The following TRHDE variants were observed in gnomAD, a reference collection of about 807,000 sequenced individuals.
TRHDE encodes thyrotropin releasing hormone degrading enzyme.
TRHDE carries 72 observed loss-of-function variants against 125.7 expected under a neutral mutation model. The ratio of observed to expected loss-of-function variants is 0.57; its 90% CI spans 0.47 to 0.70. TRHDE has a LOEUF of 0.70. Among genes scored for constraint, TRHDE ranks in the 30% least tolerant of loss-of-function variants. TRHDE has a pLI of 0.00. For missense variants in TRHDE, 1,110 were observed against 1,327.1 expected (o/e 0.84, Z 2.54); for synonymous variants, 509 against 509.1 (o/e 1.00, Z 0.00).
chr12:72,378,200 C>A, intron 3 of TRHDE, 79 bp downstream of exon 3: 2 of 1,285,560 alleles, frequency 1.6e-6, no homozygotes, highest in Non-Finnish European at 2.1e-6. Context: ...TTTGAGCCAT[C>A]CAGAAGCATG....
intron 2 of TRHDE, among the ~76,000 whole-genome samples, chr12:72,252,504 C>T (rs1878707447): frequency 6.6e-6 from 1 of 152,058 alleles, no homozygotes; most frequent in Non-Finnish European, 1.5e-5. Context: ...TGATCTGAGT[C>T]CATGCCTTGG....
At chr12:72,618,827 A>G in intron 12 of TRHDE, 64 bp from the exon 13 acceptor site, 1 of 1,354,756 alleles carries the variant, frequency 7.4e-7, no homozygotes, top group Non-Finnish European at 9.7e-7. Context: ...TCCGTCTTTT[A>G]TTTGCGTAAG....
chr12:72,454,946 C>T (rs1243700479), intron 3 of TRHDE, among the ~76,000 whole-genome samples: 2 of 151,892 alleles, frequency 1.3e-5, no homozygotes, highest in African/African-American at 2.4e-5. Context: ...TATTTGCTTC[C>T]ATCCTAACTT....
At chr12:72,274,973 G>A (rs1181695283) in intron 1 of TRHDE, 2 of 152,226 alleles carry the variant, frequency 1.3e-5, no homozygotes, top group Non-Finnish European at 2.9e-5. Context: ...TTAATTAAAT[G>A]ACTGAGGGCA....
intron 15 of TRHDE, among the ~76,000 whole-genome samples, chr12:72,649,196 T>C (rs1407397740): frequency 6.6e-6 from 1 of 151,844 alleles, no homozygotes; most frequent in African/African-American, 2.4e-5. Flanking sequence ...GACCAACATA[T>C]ACACCAATTA....
At chr12:72,125,577 AT>A (rs1235957923) in intron 2 of TRHDE, among the ~76,000 whole-genome samples, 1 of 152,130 alleles carries the variant, frequency 6.6e-6, no homozygotes, top group Non-Finnish European at 1.5e-5. Context: ...TATTCCTTCT[AT>A]TCATTGTTCA....
At chr12:72,429,468 T>C (rs1250393000) in intron 3 of TRHDE, among the ~76,000 whole-genome samples, 2 of 152,016 alleles carry the variant, frequency 1.3e-5, no homozygotes, top group African/African-American at 4.8e-5. Flanking sequence ...CTGGCTATTA[T>C]GAATAATGCT....
chr12:72,221,498 C>A (rs1300250745), intron 2 of TRHDE, among the ~76,000 whole-genome samples: 1 of 151,878 alleles, frequency 6.6e-6, no homozygotes, highest in Non-Finnish European at 1.5e-5. Context: ...ACTGAAATGG[C>A]AATTCAGGAT....
chr12:72,295,694 G>C (rs1433691835), intron 2 of TRHDE, among the ~76,000 whole-genome samples: 1 of 152,086 alleles, frequency 6.6e-6, no homozygotes, highest in African/African-American at 2.4e-5. Flanking sequence ...TAAAACACAG[G>C]ACTCTTCTGT....
chr12:72,388,448 T>A (rs1335302083), intron 3 of TRHDE, among the ~76,000 whole-genome samples: 1 of 152,186 alleles, frequency 6.6e-6, no homozygotes. Flanking sequence ...ACTGCTCTAT[T>A]CCCTCTACTG....
chr12:72,119,747 C>T (rs1487623787), intron 2 of TRHDE, among the ~76,000 whole-genome samples: 1 of 152,084 alleles, frequency 6.6e-6, no homozygotes, highest in Non-Finnish European at 1.5e-5. Context: ...ACAATTGTTA[C>T]ATCCTCTTGC....
At chr12:72,362,652 G>C (rs1430675568) in intron 2 of TRHDE, among the ~76,000 whole-genome samples, 4 of 151,268 alleles carry the variant, frequency 2.6e-5, no homozygotes, top group African/African-American at 9.7e-5. Flanking sequence ...CCTATGTCCT[G>C]AATGGTAATG....
intron 12 of TRHDE, among the ~76,000 whole-genome samples, chr12:72,589,005 C>A (rs1252042925): frequency 6.6e-6 from 1 of 152,122 alleles, no homozygotes; most frequent in Non-Finnish European, 1.5e-5. Flanking sequence ...ATGAGGGTAA[C>A]CACCCTCATT....
At position 72,575,562 on chromosome 12, in the gene TRHDE, T is replaced by G. The variant is rs1565796216; in HGVS notation, c.2321+20T>G. On this transcript the variant is annotated intron_variant, in intron 12 of 18. Transcript: ENST00000261180. The stretch of plus-strand genomic sequence containing the variant: ...AGCCAGGTATGTTTTCCTGTGGATC[T>G]CCCCAATAAAAACTTGTGCCTGCAA... 6.2e-7 allele frequency: 1 copy of G among 1,612,650 alleles called. No homozygotes were observed.
chr12:72,525,356 A>AT (rs970667387), intron 6 of TRHDE, among the ~76,000 whole-genome samples: 4 of 152,020 alleles, frequency 2.6e-5, no homozygotes, highest in Non-Finnish European at 4.4e-5. Flanking sequence ...CCCAGTTTTA[A>AT]TTTTTTCCCA....
chr12:72,616,881 A>G lies in TRHDE; in HGVS notation c.2322-2010A>G, dbSNP rs565992641. Among the ~76,000 whole-genome samples, 4 of 152,262 alleles carry G rather than the reference A, an allele frequency of 2.6e-5. No individual in the cohort carries two copies. In the East Asian group the frequency reaches 5.8e-4, roughly 22 times the overall value. ...ATATATAATCACCACACTAATTAAT[A>G]TTTAGAATTAAAAGTTCCAGAGAGA... On this transcript the variant is annotated intron_variant, in intron 12 of 18. Coordinates refer to ENST00000261180, the MANE Select transcript of TRHDE (RefSeq NM_013381.3).
intron 2 of TRHDE, among the ~76,000 whole-genome samples, chr12:72,370,306 G>A (rs931978668): frequency 1.9e-4 from 29 of 152,066 alleles, no homozygotes; most frequent in Non-Finnish European, 3.2e-4. Flanking sequence ...TCCAAACCAC[G>A]GTTATCTTTC....
chr12:72,318,703 T>C (rs760761440), intron 2 of TRHDE, among the ~76,000 whole-genome samples: 6 of 146,884 alleles, frequency 4.1e-5, no homozygotes, highest in Admixed American at 6.7e-5. Flanking sequence ...AGCTGAGTGA[T>C]CTGTCAAAAG....
At chr12:72,225,836 G>A (rs1296404536) in intron 2 of TRHDE, among the ~76,000 whole-genome samples, 1 of 152,148 alleles carries the variant, frequency 6.6e-6, no homozygotes, top group Non-Finnish European at 1.5e-5. Context: ...CCCAGGGGTT[G>A]GAGAAATGAA....
Sources: gnomAD v4.1 joint callset for allele counts (sites outside exome capture counted in the v4.1 genomes callset) on GRCh38, gnomAD v4.1.1 for gene constraint, MANE v1.5 for transcripts, NCBI Gene and HGNC (gene_info 2026-07-23, HGNC 2026-07-21) for gene names.